Variants in ARHGAP44 observed in about 807,000 individuals in gnomAD.
ARHGAP44 encodes the protein Rho GTPase activating protein 44.
A neutral mutation model predicts 106.8 loss-of-function variants in ARHGAP44; 43 were observed. The observed-to-expected ratio is 0.40, with a 90% CI of 0.32 to 0.52. ARHGAP44 has a LOEUF of 0.52. Among genes scored for constraint, ARHGAP44 ranks in the 20% least tolerant of loss-of-function variants. The pLI is 0.48. For missense variants in ARHGAP44, 866 were observed against 1,050.5 expected (o/e 0.82, Z 2.43); for synonymous variants, 439 against 410.3 (o/e 1.07, Z -0.85).
chr17:12,948,812 T>A (rs2038924999), intron 10 of ARHGAP44, among the ~76,000 whole-genome samples: 1 of 148,214 alleles, frequency 6.7e-6, no homozygotes, highest in Non-Finnish European at 1.5e-5. Context: ...CGAATTCTTC[T>A]CCAAGATTTA....
At chr17:12,840,685 A>G (rs991144595) in intron 1 of ARHGAP44, among the ~76,000 whole-genome samples, 2 of 152,198 alleles carry the variant, frequency 1.3e-5, no homozygotes, top group African/African-American at 4.8e-5. Flanking sequence ...CCCACTCATC[A>G]TCACCACGAG....
chr17:12,812,803 A>T (rs1597876715), intron 1 of ARHGAP44, among the ~76,000 whole-genome samples: 1 of 152,242 alleles, frequency 6.6e-6, no homozygotes, highest in East Asian at 1.9e-4. Flanking sequence ...TACTGAATGC[A>T]TGAGCTACTT....
Position 12,944,086 on chromosome 17 carries a change from C to A in ARHGAP44, c.751C>A (p.Pro251Thr). Residue 251 changes from proline (P) to threonine (T), a missense_variant, in exon 10 of 21, where the codon CCT becomes ACT. Transcript: ENST00000379672. ...KAQQEAWVEK[P>T]SFGKPLEEHL... ...CCCCTCAGAGGCCTGGGTAGAGAAG[C>A]CTTCCTTCGGGAAGCCGCTGGAGGA... 1 of 1,611,870 alleles carries A rather than the reference C, an allele frequency of 6.2e-7. No individual in the cohort carries two copies. The highest frequency in any genetic ancestry group is 8.5e-7 in the Non-Finnish European group (1 of 1,178,884).
At chr17:12,843,542 T>C (rs1237903700) in intron 1 of ARHGAP44, among the ~76,000 whole-genome samples, 2 of 152,198 alleles carry the variant, frequency 1.3e-5, no homozygotes, top group African/African-American at 4.8e-5. Flanking sequence ...ATTTGCATCG[T>C]GTTTTCCTGT....
chr17:12,987,021 CT>C (rs3076704), intron 20 of ARHGAP44: 110,083 of 904,512 alleles, frequency 0.12, 85 homozygotes, highest in East Asian at 0.14. Flanking sequence ...ATTGGCATAG[CT>C]TTTTTTTTTT....
At chr17:12,844,654 C>A (rs1277088476) in intron 1 of ARHGAP44, among the ~76,000 whole-genome samples, 1 of 152,206 alleles carries the variant, frequency 6.6e-6, no homozygotes, top group African/African-American at 2.4e-5. Context: ...TTTAGCTCCC[C>A]TTCATGGTGT....
intron 16 of ARHGAP44, 89 bp from the exon 17 acceptor site, chr17:12,973,213 G>C: frequency 7.3e-7 from 1 of 1,366,518 alleles, no homozygotes; most frequent in South Asian, 1.3e-5. Flanking sequence ...GGACCATGGA[G>C]AGAGACCCCT....
rs56251653 is a variant in ARHGAP44 at position 12,959,194 on chromosome 17, G to A, written c.1523+297G>A. 2.5e-4 allele frequency: 93 copies of A among 379,566 alleles called. 1 individual carries two copies. The highest frequency in any genetic ancestry group is 2.3e-3 in the South Asian group (84 of 36,312). The allele number at this position is 379,566 out of a possible 1,614,324, so 23.5% of individuals were successfully genotyped here. On this transcript the variant is annotated intron_variant, in intron 16 of 20. Transcript: ENST00000379672. Reference sequence around the variant, plus strand: ...GAGTGCAATTAAAAAAAATACATACGCACTTTATTTGGAATCAAAATGTAT... The same window carrying A: ...GAGTGCAATTAAAAAAAATACATACACACTTTATTTGGAATCAAAATGTAT...
chr17:12,841,972 A>G (rs961634979), intron 1 of ARHGAP44, among the ~76,000 whole-genome samples: 25 of 152,186 alleles, frequency 1.6e-4, no homozygotes, highest in African/African-American at 5.6e-4. Flanking sequence ...AATTCAAAAC[A>G]GCAATACCGG....
intron 1 of ARHGAP44, among the ~76,000 whole-genome samples, chr17:12,890,768 T>G (rs2037020975): frequency 6.6e-6 from 1 of 152,240 alleles, no homozygotes; most frequent in African/African-American, 2.4e-5. Flanking sequence ...GCTTCTCTTT[T>G]AATCATAAAT....
intron 20 of ARHGAP44, chr17:12,987,288 C>T: frequency 2.7e-6 from 2 of 741,310 alleles, no homozygotes; most frequent in Non-Finnish European, 4.2e-6. Flanking sequence ...CTTCCCCGGC[C>T]TCAGCAAGGA....
At chr17:12,938,045 CCA>C (rs2038598201) in intron 7 of ARHGAP44, among the ~76,000 whole-genome samples, 1 of 151,788 alleles carries the variant, frequency 6.6e-6, no homozygotes. Context: ...TTGCAGTGAG[CCA>C]AGATTGTGCC....
At chr17:12,974,338 G>C in intron 18 of ARHGAP44, 28 bp downstream of exon 18, 2 of 1,383,968 alleles carry the variant, frequency 1.4e-6, no homozygotes, top group Non-Finnish European at 1.9e-6. Context: ...CCGTCCGGGC[G>C]GGCTGGTGTG....
intron 1 of ARHGAP44, among the ~76,000 whole-genome samples, chr17:12,818,839 A>G (rs2034677668): frequency 6.6e-6 from 1 of 152,014 alleles, no homozygotes; most frequent in African/African-American, 2.4e-5. Flanking sequence ...TTATGATGTC[A>G]TTTCTCCCCA....
At position 12,881,697 on chromosome 17, in the gene ARHGAP44, TG is replaced by T. The variant is rs572421187; in HGVS notation, c.54-13242del. ...TTTTATTTATTTATTTTGTTGTTGTTGTTGTTTGTTTATTTTGAGACAGGAT... is the reference window on the plus strand; with the variant it reads ...TTTTATTTATTTATTTTGTTGTTGTTTTGTTTGTTTATTTTGAGACAGGAT... On this transcript the variant is annotated intron_variant, in intron 1 of 20. Coordinates refer to ENST00000379672, the MANE Select transcript of ARHGAP44 (RefSeq NM_014859.6). 1.9e-3 allele frequency among the ~76,000 whole-genome samples: 294 copies of T among 152,250 alleles called. 1 individual carries two copies. Among genetic ancestry groups the T allele is most frequent in the African/African-American group, 6.7e-3 (279 of 41,554 alleles).
At chr17:12,795,992 T>C (rs1336796136) in intron 1 of ARHGAP44, among the ~76,000 whole-genome samples, 2 of 152,170 alleles carry the variant, frequency 1.3e-5, no homozygotes, top group Admixed American at 6.5e-5. Context: ...TAACCTTCAT[T>C]TTGGTTATAT....
At chr17:12,950,369 C>G (rs992578689) in intron 12 of ARHGAP44, among the ~76,000 whole-genome samples, 1 of 152,104 alleles carries the variant, frequency 6.6e-6, no homozygotes, top group African/African-American at 2.4e-5. Flanking sequence ...CCTCTCTCTC[C>G]CCTCCTGAAG....
chr17:12,867,386 G>A (rs1474008185), intron 1 of ARHGAP44, among the ~76,000 whole-genome samples: 1 of 152,076 alleles, frequency 6.6e-6, no homozygotes, highest in African/African-American at 2.4e-5. Context: ...AGGGGTGGGA[G>A]GCATGTAAAG....
At chr17:12,837,074 G>A (rs1258563203) in intron 1 of ARHGAP44, among the ~76,000 whole-genome samples, 1 of 152,154 alleles carries the variant, frequency 6.6e-6, no homozygotes, top group Non-Finnish European at 1.5e-5. Flanking sequence ...TACAAAGTGT[G>A]CTCTCTGACT....
Sources: allele counts gnomAD v4.1 joint callset (sites outside exome capture counted in the v4.1 genomes callset), GRCh38; gene constraint gnomAD v4.1.1; transcripts MANE v1.5; gene names NCBI Gene and HGNC (gene_info 2026-07-23, HGNC 2026-07-21).